SLC25A13: variants seen among roughly 807,000 people sequenced by gnomAD.
The protein encoded by SLC25A13 is solute carrier family 25 member 13.
SLC25A13 carries 70 observed loss-of-function variants against 85.5 expected under a neutral mutation model. The ratio of observed to expected loss-of-function variants is 0.82; its 90% confidence interval spans 0.68 to 1.00. The LOEUF is 1.00. Among genes scored for constraint, SLC25A13 ranks in the 50% least tolerant of loss-of-function variants. The pLI is 0.00. For missense variants in SLC25A13, 765 were observed against 819.8 expected (o/e 0.93, Z 0.82); for synonymous variants, 259 against 288.7 (o/e 0.90, Z 1.04).
chr7:96,198,262 T>TA (rs1334638677), intron 5 of SLC25A13, among the ~76,000 whole-genome samples: 1 of 152,160 alleles, frequency 6.6e-6, no homozygotes, highest in African/African-American at 2.4e-5. Context: ...TGCAGGGTTG[T>TA]AAAAACCAGA....
intron 1 of SLC25A13, among the ~76,000 whole-genome samples, chr7:96,304,474 C>G (rs1384828537): frequency 1.3e-5 from 2 of 152,142 alleles, no homozygotes; most frequent in South Asian, 4.1e-4. Flanking sequence ...TATTAAGAGG[C>G]AGAGTATAAC....
At chr7:96,188,794 A>G (rs573359689) in intron 9 of SLC25A13, among the ~76,000 whole-genome samples, 1 of 152,248 alleles carries the variant, frequency 6.6e-6, no homozygotes, top group Admixed American at 6.5e-5. Context: ...CAGAGAAAAT[A>G]GGTCTGAAAG....
chr7:96,242,083 A>C (rs1797020282), intron 3 of SLC25A13, among the ~76,000 whole-genome samples: 1 of 152,240 alleles, frequency 6.6e-6, no homozygotes, highest in South Asian at 2.1e-4. Context: ...CTTTTACTGA[A>C]GGTTCCTAAC....
intron 1 of SLC25A13, chr7:96,306,851 G>A (rs12704843): frequency 0.63 from 848,600 of 1,347,958 alleles, 273,562 homozygotes; most frequent in Non-Finnish European, 0.65. Flanking sequence ...AAAGGCAAAC[G>A]AGAAGAAGGA....
chr7:96,121,549 A>T, intron 17 of SLC25A13, 106 bp downstream of exon 17: 1 of 1,420,484 alleles, frequency 7.0e-7, no homozygotes, highest in Non-Finnish European at 9.9e-7. Flanking sequence ...CATTTCCCTA[A>T]ATCTCTTCTA....
chr7:96,139,491 C>T (rs1037438218), intron 14 of SLC25A13, among the ~76,000 whole-genome samples: 1 of 152,084 alleles, frequency 6.6e-6, no homozygotes, highest in Admixed American at 6.5e-5. Flanking sequence ...ATATTAGATA[C>T]AAAACCTGAC....
chr7:96,308,336 G>C (rs2117019962), intron 1 of SLC25A13, among the ~76,000 whole-genome samples: 1 of 152,342 alleles, frequency 6.6e-6, no homozygotes, highest in Middle Eastern at 3.4e-3. Context: ...CTAGCTGATT[G>C]AGGCAGCAGC....
chr7:96,162,078 CAG>C (rs1344995644), intron 13 of SLC25A13, among the ~76,000 whole-genome samples: 1 of 152,174 alleles, frequency 6.6e-6, no homozygotes, highest in Non-Finnish European at 1.5e-5. Flanking sequence ...AAGATATGTG[CAG>C]AGACTTGCAT....
At chr7:96,188,813 C>T (rs1794731908) in intron 9 of SLC25A13, among the ~76,000 whole-genome samples, 1 of 152,190 alleles carries the variant, frequency 6.6e-6, no homozygotes, top group South Asian at 2.1e-4. Context: ...AGCCTTTAAA[C>T]TGTAACTCCA....
intron 3 of SLC25A13, among the ~76,000 whole-genome samples, chr7:96,264,297 C>T (rs1797965002): frequency 6.6e-6 from 1 of 152,186 alleles, no homozygotes; most frequent in Admixed American, 6.5e-5. Context: ...AGCCATCATG[C>T]TGTTCCTCAC....
intron 3 of SLC25A13, among the ~76,000 whole-genome samples, chr7:96,243,712 A>G (rs1201266806): frequency 6.6e-6 from 1 of 152,108 alleles, no homozygotes; most frequent in African/African-American, 2.4e-5. Flanking sequence ...GCGGCCAGGA[A>G]AAGAGTTGGA....
At chr7:96,277,162 A>G in intron 3 of SLC25A13, 34 bp downstream of exon 3, 5 of 1,525,526 alleles carry the variant, frequency 3.3e-6, no homozygotes, top group Non-Finnish European at 4.4e-6. Context: ...TTCAAACAAA[A>G]AGAATTAAAT....
At chr7:96,243,592 G>A (rs1446604592) in intron 3 of SLC25A13, among the ~76,000 whole-genome samples, 2 of 152,090 alleles carry the variant, frequency 1.3e-5, no homozygotes, top group Non-Finnish European at 2.9e-5. Flanking sequence ...AGCCAGGCTT[G>A]AAAATCAACT....
At chr7:96,181,364 C>T (rs1212595244) in intron 11 of SLC25A13, among the ~76,000 whole-genome samples, 2 of 152,226 alleles carry the variant, frequency 1.3e-5, no homozygotes, top group African/African-American at 2.4e-5. Context: ...AAGCAACTTC[C>T]ACAACTATTC....
rs555617171 is a variant in SLC25A13 at position 96,321,921 on chromosome 7, C to A, written c.15+21G>T. On this transcript the variant is annotated intron_variant, in intron 1 of 17. Transcript: ENST00000265631. ...GCTGATCCGGCAGGCGCGCTCCCCC[C>A]GGCCTCGGGCCCGCGGTTACCTTGG... The A allele has an allele frequency of 2.0e-6, 3 of 1,529,294 alleles. No individual in the cohort carries two copies. The South Asian group carries it at 3.7e-5, about 19-fold the overall frequency. The allele number at this position is 1,529,294 out of a possible 1,614,324, so 94.7% of individuals were successfully genotyped here.
At chr7:96,277,095 G>C (rs1798480421) in intron 3 of SLC25A13, 101 bp downstream of exon 3, 1 of 1,179,390 alleles carries the variant, frequency 8.5e-7, no homozygotes. Flanking sequence ...ATGGTCCTAA[G>C]AGATGGGAAG....
intron 13 of SLC25A13, among the ~76,000 whole-genome samples, chr7:96,161,499 T>G (rs535582134): frequency 6.6e-6 from 1 of 152,330 alleles, no homozygotes; most frequent in South Asian, 2.1e-4. Flanking sequence ...ACAGATTTTT[T>G]TTTAAGTTTC....
intron 1 of SLC25A13, among the ~76,000 whole-genome samples, chr7:96,306,517 C>G (rs570937650): frequency 6.6e-6 from 1 of 152,320 alleles, no homozygotes; most frequent in South Asian, 2.1e-4. Context: ...GCCTTTTGAG[C>G]CTCAGCTCTC....
intron 3 of SLC25A13, among the ~76,000 whole-genome samples, chr7:96,244,855 A>C (rs754386234): frequency 7.2e-5 from 11 of 152,118 alleles, no homozygotes; most frequent in Non-Finnish European, 1.2e-4. Context: ...GGCTTTAAAA[A>C]CCTATTAAAG....
Sources: gnomAD v4.1 joint callset for allele counts (sites outside exome capture counted in the v4.1 genomes callset) on GRCh38, gnomAD v4.1.1 for gene constraint, MANE v1.5 for transcripts, NCBI Gene and HGNC (gene_info 2026-07-23, HGNC 2026-07-21) for gene names.